The following ADCY9 variants were observed in gnomAD, a reference collection of about 807,000 sequenced individuals.
ADCY9 encodes adenylate cyclase 9.
In ADCY9, 50 loss-of-function variants were observed where a neutral mutation model predicts 101.5. The ratio of observed to expected loss-of-function variants is 0.49; its 90% CI spans 0.39 to 0.62. The LOEUF is 0.62. Ranked by LOEUF, ADCY9 falls within the 20% of genes least tolerant of loss-of-function variation. The pLI is 0.00. For synonymous variants in ADCY9, 905 were observed against 769.3 expected (o/e 1.18, Z -2.92); for missense variants, 1,662 against 1,800.4 (o/e 0.92, Z 1.39).
rs117040451 is a variant in ADCY9 at position 4,036,397 on chromosome 16, T to C, written c.1694-28839A>G. ...ATGGCATGTATATAATGCGCAGTGA[T>C]GAAGTCAGGGCATTCAGGGTGCCCA... On this transcript the variant is annotated intron_variant, in intron 2 of 10. Transcript: ENST00000294016. Among the ~76,000 whole-genome samples, 1,047 of 151,416 alleles carry C rather than the reference T, an allele frequency of 6.9e-3. 7 individuals carry two copies. Among genetic ancestry groups the C allele is most frequent in the Middle Eastern group, 0.017 (5 of 294 alleles).
intron 2 of ADCY9, 89 bp from the exon 3 acceptor site, chr16:4,007,647 T>A: frequency 1.8e-6 from 2 of 1,125,628 alleles, no homozygotes; most frequent in Non-Finnish European, 2.5e-6. Context: ...GAGGACTCAC[T>A]CCTGGAAAGT....
intron 7 of ADCY9, among the ~76,000 whole-genome samples, chr16:3,979,646 T>G (rs1439276179): frequency 3.9e-5 from 6 of 152,240 alleles, no homozygotes; most frequent in Non-Finnish European, 8.8e-5. Flanking sequence ...CAGGAGGTCT[T>G]GACGGGGGCA....
Position 4,114,607 on chromosome 16 carries a change from C to T in ADCY9, c.836G>A (p.Trp279Ter). The T allele has an allele frequency of 6.2e-7, 1 of 1,613,822 alleles. No individual in the cohort carries two copies. The highest frequency in any genetic ancestry group is 8.5e-7 in the Non-Finnish European group (1 of 1,180,044). Residue 279 changes from tryptophan (W) to a stop codon, truncating the protein, a stop_gained, in exon 2 of 11, where the codon TGG (tryptophan) becomes TAG (stop). Transcript: ENST00000294016. LOFTEE classifies it high-confidence loss of function. This position sits in a 1 kb window ranked among gnomAD's most constrained non-coding sequence, Gnocchi z 4.3. Reference sequence around the variant, plus strand: ...GAGCAGCCCCCTGCTCAGCAGCTCCCAGTGCAGGGCCCCGGCTCCGGGCGA... The same window carrying T: ...GAGCAGCCCCCTGCTCAGCAGCTCCTAGTGCAGGGCCCCGGCTCCGGGCGA... ...FPSPGAGALH[W>*]ELLSRGLLHG...
At chr16:3,962,483 C>A (rs959296056), downstream of ADCY9, among the ~76,000 whole-genome samples, 13 of 152,024 alleles carry the variant, frequency 8.6e-5, no homozygotes, top group Non-Finnish European at 1.5e-4. Flanking sequence ...ATAACATAAA[C>A]ACAAACAGGG....
chr16:4,013,226 C>T (rs1018444662), intron 2 of ADCY9, among the ~76,000 whole-genome samples: 6 of 146,428 alleles, frequency 4.1e-5, no homozygotes, highest in Non-Finnish European at 7.5e-5. Flanking sequence ...CCAGCCTGGG[C>T]AAGAGAGTGA....
intron 2 of ADCY9, among the ~76,000 whole-genome samples, chr16:4,097,687 C>T (rs534335897): frequency 3.3e-5 from 5 of 150,170 alleles, no homozygotes; most frequent in Non-Finnish European, 7.4e-5. Context: ...GCTGGGATTA[C>T]AGGTGCCCAC....
intron 2 of ADCY9, among the ~76,000 whole-genome samples, chr16:4,102,067 G>A (rs750759787): frequency 6.6e-5 from 10 of 152,140 alleles, no homozygotes; most frequent in Non-Finnish European, 1.5e-4. Flanking sequence ...CACAAGATGT[G>A]CGCCAGATTG....
intron 5 of ADCY9, among the ~76,000 whole-genome samples, chr16:3,957,512 G>C (rs1241894953): frequency 6.6e-6 from 1 of 152,092 alleles, no homozygotes; most frequent in Non-Finnish European, 1.5e-5. Flanking sequence ...AATGGGGGTG[G>C]AGGCCACAGG....
chr16:4,043,698 T>G (rs1280128895), intron 2 of ADCY9, among the ~76,000 whole-genome samples: 1 of 151,994 alleles, frequency 6.6e-6, no homozygotes, highest in Non-Finnish European at 1.5e-5. Flanking sequence ...TCAAAAATAA[T>G]AATAATAAAC....
At chr16:4,013,474 A>G (rs2056417456) in intron 2 of ADCY9, among the ~76,000 whole-genome samples, 1 of 152,174 alleles carries the variant, frequency 6.6e-6, no homozygotes, top group Non-Finnish European at 1.5e-5. Flanking sequence ...CAAGAAAGAG[A>G]AGAATAATCA....
chr16:3,978,832 G>A (rs2056115170), intron 8 of ADCY9, among the ~76,000 whole-genome samples: 1 of 152,132 alleles, frequency 6.6e-6, no homozygotes, highest in African/African-American at 2.4e-5. Context: ...CGATTCTCCT[G>A]CCTCAGCCTC....
chr16:3,979,700 C>T (rs1244799899), intron 7 of ADCY9, among the ~76,000 whole-genome samples: 4 of 152,196 alleles, frequency 2.6e-5, no homozygotes, highest in East Asian at 1.9e-4. Flanking sequence ...GTGCAGTTGT[C>T]GCAGCAGAAG....
intron 3 of ADCY9, among the ~76,000 whole-genome samples, chr16:3,995,075 C>T (rs1321199333): frequency 6.6e-6 from 1 of 152,186 alleles, no homozygotes. Flanking sequence ...TTTGGAGACT[C>T]TGTTCAAATC....
intron 5 of ADCY9, among the ~76,000 whole-genome samples, chr16:3,956,844 C>T (rs949260483): frequency 6.6e-6 from 1 of 151,982 alleles, no homozygotes; most frequent in African/African-American, 2.4e-5. Flanking sequence ...AACCTTGCCT[C>T]TCCCCTATGA....
chr16:4,033,543 C>G (rs2056570379), intron 2 of ADCY9, among the ~76,000 whole-genome samples: 2 of 151,778 alleles, frequency 1.3e-5, no homozygotes, highest in African/African-American at 4.8e-5. Flanking sequence ...AAGCGACTCC[C>G]CTGCCTCAGC....
intron 2 of ADCY9, among the ~76,000 whole-genome samples, chr16:4,009,472 G>A (rs1308979537): frequency 2.6e-5 from 4 of 152,078 alleles, no homozygotes; most frequent in Non-Finnish European, 5.9e-5. Context: ...GGCCAGGCTG[G>A]TCTCGAACTC....
At position 3,983,431 on chromosome 16, in the gene ADCY9, T is replaced by C; in HGVS notation, c.2320A>G (p.Asn774Asp). ...CTAGCAAACGTCTTCACGGGGGAGTTCTTTATGACCTGTGTGGAGCAGGAG... is the reference window on the plus strand; with the variant it reads ...CTAGCAAACGTCTTCACGGGGGAGTCCTTTATGACCTGTGTGGAGCAGGAG... ...RTSYQEEVIK[N>D]SPVKTFASPT... is the part of the protein sequence containing the mutation. Residue 774 changes from asparagine (N) to aspartate (D), a missense_variant, in exon 7 of 11, where the codon AAC (asparagine) becomes GAC (aspartate). This residue lies in a region of ADCY9 where 624 missense variants were observed against 639.1 expected (regional missense o/e 0.98). Transcript: ENST00000294016. 6.2e-7 allele frequency: 1 copy of C among 1,603,574 alleles called. No homozygotes were observed. Among genetic ancestry groups the C allele is most frequent in the Non-Finnish European group, 8.5e-7 (1 of 1,174,734 alleles).
At chr16:4,012,565 C>T (rs2056411270) in intron 2 of ADCY9, among the ~76,000 whole-genome samples, 1 of 151,546 alleles carries the variant, frequency 6.6e-6, no homozygotes, top group Non-Finnish European at 1.5e-5. Flanking sequence ...CCTGGTTATC[C>T]ATTGATTTTA....
chr16:4,041,589 C>G lies in ADCY9; in HGVS notation c.1694-34031G>C, dbSNP rs559025313. Among the ~76,000 whole-genome samples, 6 of 150,300 alleles carry G rather than the reference C, an allele frequency of 4.0e-5. No homozygotes were observed. The East Asian group carries it at 7.8e-4, about 20-fold the overall frequency. On this transcript the variant is annotated intron_variant, in intron 2 of 10. Coordinates refer to ENST00000294016, the MANE Select transcript of ADCY9 (RefSeq NM_001116.4). ...TTCAAGGAAGACTTGATTGCAGTAG[C>G]ATTTAACTCTGGAATCACAAATAAA...
Sources: allele counts gnomAD v4.1 joint callset (sites outside exome capture counted in the v4.1 genomes callset), GRCh38; gene constraint gnomAD v4.1.1; regional missense constraint gnomAD v4.1.1; non-coding constraint Gnocchi (gnomAD v3.1); transcripts MANE v1.5; gene names NCBI Gene and HGNC (gene_info 2026-07-23, HGNC 2026-07-21).